SH3GL2: variants seen among roughly 807,000 people sequenced by gnomAD.
SH3GL2 encodes the protein SH3 domain containing GRB2 like 2, endophilin A1, also known as endophilin-A1.
A neutral mutation model predicts 46.0 loss-of-function variants in SH3GL2; 24 were observed. The ratio of observed to expected loss-of-function variants is 0.52; its 90% CI spans 0.38 to 0.73. The LOEUF is 0.73. Ranked by LOEUF, SH3GL2 falls within the 30% of genes least tolerant of loss-of-function variation. The probability of loss-of-function intolerance (pLI) is 0.00; values close to 1 mark genes in which losing one functional copy is unlikely to be tolerated. For missense variants in SH3GL2, 413 were observed against 424.2 expected, an observed-to-expected ratio of 0.97 and a Z score of 0.23; for synonymous variants, 196 against 147.1, an observed-to-expected ratio of 1.33 and a Z score of -2.40.
At chr9:17,689,071 C>G (rs1821000933) in intron 1 of SH3GL2, among the ~76,000 whole-genome samples, 1 of 152,068 alleles carries the variant, frequency 6.6e-6, no homozygotes, top group Admixed American at 6.6e-5. Context: ...AGTGATAAAT[C>G]ATGTTGATAG....
intron 1 of SH3GL2, among the ~76,000 whole-genome samples, chr9:17,703,745 A>G (rs1821396160): frequency 6.6e-6 from 1 of 152,074 alleles, no homozygotes; most frequent in South Asian, 2.1e-4. Flanking sequence ...TTTTAATACA[A>G]TTCAGCATCC....
chr9:17,667,132 G>C (rs1293651178), intron 1 of SH3GL2, among the ~76,000 whole-genome samples: 2 of 152,044 alleles, frequency 1.3e-5, no homozygotes, highest in African/African-American at 4.8e-5. Context: ...TATATTTTTA[G>C]TGTTATTGGC....
chr9:17,633,521 T>C (rs1233094811), intron 1 of SH3GL2, among the ~76,000 whole-genome samples: 1 of 152,222 alleles, frequency 6.6e-6, no homozygotes, highest in Non-Finnish European at 1.5e-5. Context: ...AAAGTGTAAA[T>C]AGCTGTAATA....
chr9:17,606,356 G>T (rs1484968599), intron 1 of SH3GL2, among the ~76,000 whole-genome samples: 1 of 152,144 alleles, frequency 6.6e-6, no homozygotes, highest in Non-Finnish European at 1.5e-5. Context: ...CTCCTAAAGT[G>T]CTGGGATTAC....
intron 3 of SH3GL2, among the ~76,000 whole-genome samples, chr9:17,780,144 C>A (rs371122407): frequency 1.2e-4 from 18 of 152,138 alleles, no homozygotes; most frequent in African/African-American, 3.6e-4. Context: ...GTATATTGCT[C>A]AATGAACTAT....
chr9:17,785,888 C>T (rs1035231831), intron 3 of SH3GL2, among the ~76,000 whole-genome samples: 1 of 152,124 alleles, frequency 6.6e-6, no homozygotes, highest in Non-Finnish European at 1.5e-5. Context: ...CTGTTTCATA[C>T]ATGGTATAAG....
At chr9:17,688,518 T>C (rs1820986313) in intron 1 of SH3GL2, among the ~76,000 whole-genome samples, 1 of 151,988 alleles carries the variant, frequency 6.6e-6, no homozygotes, top group African/African-American at 2.4e-5. Context: ...AGTGCTCAGC[T>C]CTGGTTTCCA....
chr9:17,747,398 T>A (rs532240832), intron 2 of SH3GL2, among the ~76,000 whole-genome samples: 13 of 152,304 alleles, frequency 8.5e-5, no homozygotes, highest in South Asian at 6.2e-4. Context: ...ATCATCATTT[T>A]AAAAAAATAA....
At chr9:17,788,407 G>C (rs989846086) in intron 5 of SH3GL2, among the ~76,000 whole-genome samples, 1 of 152,018 alleles carries the variant, frequency 6.6e-6, no homozygotes, top group African/African-American at 2.4e-5. Context: ...GTGAGGGAAG[G>C]TTTAGAATAT....
At chr9:17,608,145 C>CTAT (rs1421430918) in intron 1 of SH3GL2, among the ~76,000 whole-genome samples, 1 of 80,048 alleles carries the variant, frequency 1.2e-5, no homozygotes, top group Non-Finnish European at 2.9e-5. Context: ...GTAAGCTTTC[C>CTAT]TCTTTTTTTT....
In SH3GL2 at chr9:17,786,653, A is replaced by G. The variant is rs888875360; in HGVS notation, c.331+129A>G. ...GTTTTCAGTTTTAGATCCTACACAC[A>G]TGGGCCAAAAATTTGTTTTCAGAAT... On this transcript the variant is annotated intron_variant, in intron 4 of 8. Coordinates refer to ENST00000380607, the MANE Select transcript of SH3GL2 (RefSeq NM_003026.5). 15 of 831,638 alleles carry G rather than the reference A, an allele frequency of 1.8e-5. No individual in the cohort carries two copies. The Admixed American group carries it at 3.7e-4, about 20-fold the overall frequency. The allele number at this position is 831,638 out of a possible 1,614,324, so 51.5% of individuals were successfully genotyped here.
chr9:17,628,470 A>G (rs1819341461), intron 1 of SH3GL2, among the ~76,000 whole-genome samples: 1 of 150,870 alleles, frequency 6.6e-6, no homozygotes, highest in Non-Finnish European at 1.5e-5. Context: ...ATGCACATTT[A>G]TCTATTTGTG....
At chr9:17,779,305 G>A (rs9407867) in intron 3 of SH3GL2, among the ~76,000 whole-genome samples, 17,606 of 152,138 alleles carry the variant, frequency 0.12, 1,134 homozygotes, top group Admixed American at 0.15. Flanking sequence ...TTTAGACAAG[G>A]ATTTTGTTTT....
intron 1 of SH3GL2, among the ~76,000 whole-genome samples, chr9:17,705,600 C>T (rs958516900): frequency 1.3e-5 from 2 of 151,984 alleles, no homozygotes; most frequent in Non-Finnish European, 2.9e-5. Flanking sequence ...GGTTTATATA[C>T]ACCACGGAGT....
At chr9:17,677,258 C>T (rs1375315620) in intron 1 of SH3GL2, among the ~76,000 whole-genome samples, 2 of 152,312 alleles carry the variant, frequency 1.3e-5, no homozygotes, top group African/African-American at 4.8e-5. Flanking sequence ...TATTCATTCT[C>T]ATGTTCACAT....
chr9:17,608,359 G>T (rs1012461223), intron 1 of SH3GL2, among the ~76,000 whole-genome samples: 5 of 151,976 alleles, frequency 3.3e-5, no homozygotes, highest in Admixed American at 2.6e-4. Context: ...TGTTAGCCGG[G>T]ATGGTCTCGA....
chr9:17,778,032 T>A (rs930065662), intron 3 of SH3GL2, among the ~76,000 whole-genome samples: 2 of 152,044 alleles, frequency 1.3e-5, no homozygotes, highest in Non-Finnish European at 2.9e-5. Context: ...GAGTGCCATA[T>A]TTATACATTT....
At chr9:17,745,951 G>T (rs1324787789) in intron 1 of SH3GL2, among the ~76,000 whole-genome samples, 2 of 152,176 alleles carry the variant, frequency 1.3e-5, no homozygotes, top group Admixed American at 6.5e-5. Flanking sequence ...ATTTTAAAGG[G>T]AATGAAAAGG....
intron 2 of SH3GL2, among the ~76,000 whole-genome samples, chr9:17,758,903 T>C (rs1823088073): frequency 6.6e-6 from 1 of 152,038 alleles, no homozygotes; most frequent in Non-Finnish European, 1.5e-5. Flanking sequence ...TGGAATAGTT[T>C]TTATTCCTAC....
Sources: gnomAD v4.1 joint callset for allele counts (sites outside exome capture counted in the v4.1 genomes callset) on GRCh38, gnomAD v4.1.1 for gene constraint, MANE v1.5 for transcripts, NCBI Gene and HGNC (gene_info 2026-07-23, HGNC 2026-07-21) for gene names.